DDX23: variants seen among roughly 807,000 people sequenced by gnomAD.
DDX23 encodes DEAD-box helicase 23, also known as probable ATP-dependent RNA helicase DDX23.
A neutral mutation model predicts 102.7 loss-of-function variants in DDX23; 33 were observed. The observed-to-expected ratio is 0.32, with a 90% confidence interval of 0.24 to 0.43. The LOEUF (loss-of-function observed/expected upper bound fraction) is 0.43, where lower values mean the gene tolerates loss of function less well. DDX23 is among the 20% of genes least tolerant of loss of function. The pLI is 1.00. For synonymous variants in DDX23, 352 were observed against 376.0 expected (o/e 0.94, Z 0.74); for missense variants, 549 against 1,086.6 (o/e 0.51, Z 6.96).
chr12:48,843,067 G>C (rs1348437762), intron 3 of DDX23, among the ~76,000 whole-genome samples: 2 of 150,372 alleles, frequency 1.3e-5, no homozygotes, highest in African/African-American at 4.9e-5. Flanking sequence ...GGTGGTGCAA[G>C]ATGTGCTTTG....
chr12:48,835,392 G>A (rs1394216567), intron 11 of DDX23, among the ~76,000 whole-genome samples: 1 of 152,028 alleles, frequency 6.6e-6, no homozygotes, highest in African/African-American at 2.4e-5. Context: ...GGCCAACATG[G>A]TGAAACCTCA....
At chr12:48,842,259 CCGGGAGGGAG>C (rs1251069711) in intron 3 of DDX23, among the ~76,000 whole-genome samples, 1 of 142,896 alleles carries the variant, frequency 7.0e-6, no homozygotes, top group Admixed American at 7.0e-5. Flanking sequence ...AGCCGCCCAT[CCGGGAGGGAG>C]GTGGGGGGGT....
intron 12 of DDX23, 113 bp from the exon 13 acceptor site, chr12:48,833,632 C>T (rs1938422918): frequency 3.7e-6 from 5 of 1,347,160 alleles, no homozygotes; most frequent in Non-Finnish European, 5.1e-6. Context: ...ACTTGGACCC[C>T]AACCTCTGGT....
At position 48,830,134 on chromosome 12, in the gene DDX23, C is replaced by A; in HGVS notation, c.*335G>T. 1 of 488,418 alleles carries A rather than the reference C, an allele frequency of 2.0e-6. No individual in the cohort carries two copies. 30.3% of individuals were successfully genotyped at this position (488,418 alleles called of 1,614,324 possible). On this transcript the variant is annotated 3_prime_UTR_variant, in exon 17 of 17. Transcript: ENST00000308025. This position sits in a 1 kb window ranked among gnomAD's most constrained non-coding sequence, Gnocchi z 4.9. The stretch of plus-strand genomic sequence containing the variant: ...TGCCAAAGGAGGTCCCATCCGGCGG[C>A]CAGGTTTCTGTTCAGTCTGGGGAGC...
At chr12:48,849,608 G>A (rs548704609) in intron 1 of DDX23, among the ~76,000 whole-genome samples, 3 of 151,150 alleles carry the variant, frequency 2.0e-5, no homozygotes, top group Non-Finnish European at 4.4e-5. Context: ...GTTGTGAGCC[G>A]AGATAGTGCC....
In DDX23 at chr12:48,832,280, T is replaced by C. The variant is rs2137480687; in HGVS notation, c.1956-94A>G. Reference sequence around the variant, plus strand: ...CTATGAACACTACTTTCAGGGTCTTTAATGCCCATGACATTCTGCCCAAGA... The same window carrying C: ...CTATGAACACTACTTTCAGGGTCTTCAATGCCCATGACATTCTGCCCAAGA... On this transcript the variant is annotated intron_variant, in intron 14 of 16. Coordinates refer to ENST00000308025, the MANE Select transcript of DDX23 (RefSeq NM_004818.3). This position sits in a 1 kb window ranked among gnomAD's most constrained non-coding sequence, Gnocchi z 4.4. 6.4e-7 allele frequency: 1 copy of C among 1,554,876 alleles called. No homozygotes were observed. Among genetic ancestry groups the C allele is most frequent in the Non-Finnish European group, 8.8e-7 (1 of 1,133,260 alleles).
intron 1 of DDX23, among the ~76,000 whole-genome samples, chr12:48,850,392 A>G (rs1208389400): frequency 6.6e-6 from 1 of 152,238 alleles, no homozygotes; most frequent in African/African-American, 2.4e-5. Flanking sequence ...AGAGGAAATC[A>G]AACGTTTCAT....
rs1938474516 is a variant in DDX23, at chr12:48,836,952, G to A, written c.952C>T (p.Arg318Cys). Residue 318 changes from arginine to cysteine, a missense_variant, in exon 9 of 17, where the codon CGT becomes TGT. Arg to Cys is a radical substitution (Grantham distance 180, BLOSUM62 -3). Coordinates refer to ENST00000308025, the MANE Select transcript of DDX23 (RefSeq NM_004818.3). The surrounding 1 kb of genome is among the most constrained non-coding windows in gnomAD (Gnocchi z 6.1). ...TTCTCCATTAGGTCTCCATAGAAACGTGACTGCTCTCGCTTCTGCTGCTTG... is the reference window on the plus strand; with the variant it reads ...TTCTCCATTAGGTCTCCATAGAAACATGACTGCTCTCGCTTCTGCTGCTTG... Reference protein sequence around the residue: ...DLKQQKREQSRFYGDLMEKRR... With the variant: ...DLKQQKREQSCFYGDLMEKRR... 4 of 1,613,790 alleles carry A rather than the reference G, an allele frequency of 2.5e-6. No homozygotes were observed. Among genetic ancestry groups the A allele is most frequent in the Admixed American group, 3.3e-5 (2 of 59,988 alleles).
intron 3 of DDX23, among the ~76,000 whole-genome samples, chr12:48,842,887 C>G (rs975849597): frequency 6.6e-6 from 1 of 151,796 alleles, no homozygotes; most frequent in Non-Finnish European, 1.5e-5. Flanking sequence ...ATTGAGAAAT[C>G]GGATGGTTGC....
intron 2 of DDX23, among the ~76,000 whole-genome samples, chr12:48,844,542 G>A (rs1190717260): frequency 6.6e-6 from 1 of 151,960 alleles, no homozygotes; most frequent in African/African-American, 2.4e-5. Context: ...GCCTCCCAAA[G>A]TGCTGGGATT....
chr12:48,831,061 G>T, intron 16 of DDX23, 81 bp downstream of exon 16: 1 of 1,525,482 alleles, frequency 6.6e-7, no homozygotes, highest in Non-Finnish European at 9.0e-7. Flanking sequence ...AGCCTTCCAT[G>T]GACAGCACCC....
In DDX23 at chr12:48,836,336, G is replaced by A; in HGVS notation, c.1237-70C>T. On this transcript the variant is annotated intron_variant, in intron 10 of 16. Transcript: ENST00000308025. The surrounding 1 kb of genome is among the most constrained non-coding windows in gnomAD (Gnocchi z 6.1). Reference sequence around the variant, plus strand: ...ACCACCTGGGCAACCACTGATAGTAGTAAGCACATCTGCTAGCACAATGGA... The same window carrying A: ...ACCACCTGGGCAACCACTGATAGTAATAAGCACATCTGCTAGCACAATGGA... 1 of 1,548,116 alleles carries A rather than the reference G, an allele frequency of 6.5e-7. No individual in the cohort carries two copies. Among genetic ancestry groups the A allele is most frequent in the Non-Finnish European group, 8.9e-7 (1 of 1,123,402 alleles).
At chr12:48,844,083 T>TG (rs1222898027) in intron 2 of DDX23, 33 bp from the exon 3 acceptor site, 1 of 1,606,732 alleles carries the variant, frequency 6.2e-7, no homozygotes, top group Non-Finnish European at 8.5e-7. Flanking sequence ...GTTCACTTGG[T>TG]ATTTCCAAAG....
chr12:48,842,223 TG>T lies in DDX23; in HGVS notation c.320+1716del, dbSNP rs1247878446. 5.6e-5 allele frequency among the ~76,000 whole-genome samples: 7 copies of T among 125,768 alleles called. No homozygotes were observed. In the East Asian group the frequency reaches 1.6e-3, roughly 28 times the overall value. The allele number at this position is 125,768 out of a possible 152,430, so 82.5% of individuals were successfully genotyped here. A position where few individuals can be genotyped will look rare whatever the true frequency, so the allele number is the denominator to read the frequency against. ...CCAGCCGCCCCGTCCAGGAGGGAGG[TG>T]GGGGGGTCATCCCCCCACCCGGCCA... On this transcript the variant is annotated intron_variant, in intron 3 of 16. Coordinates refer to ENST00000308025, the MANE Select transcript of DDX23 (RefSeq NM_004818.3).
Position 48,834,514 on chromosome 12 carries a change from G to A in DDX23, c.1383-17C>T. ...TCTTCGATCCTGTGGTAAACAGGGTGCCCCACAGCTTCGTGAGCTTTGGTT... is the reference window on the plus strand; with the variant it reads ...TCTTCGATCCTGTGGTAAACAGGGTACCCCACAGCTTCGTGAGCTTTGGTT... On this transcript the variant is annotated splice_polypyrimidine_tract_variant and intron_variant, in intron 11 of 16. Coordinates refer to ENST00000308025, the MANE Select transcript of DDX23 (RefSeq NM_004818.3). 6.2e-6 allele frequency: 10 copies of A among 1,607,918 alleles called. No individual in the cohort carries two copies. The highest frequency in any genetic ancestry group is 2.7e-5 in the African/African-American group (2 of 74,764).
chr12:48,840,638 C>T (rs1403369280), intron 3 of DDX23, among the ~76,000 whole-genome samples: 6 of 151,802 alleles, frequency 4.0e-5, no homozygotes, highest in Admixed American at 1.3e-4. Context: ...CTGCAACCTC[C>T]GCCTCCTGGG....
chr12:48,837,897 T>A, intron 6 of DDX23, 45 bp downstream of exon 6: 1 of 1,611,076 alleles, frequency 6.2e-7, no homozygotes, highest in Non-Finnish European at 8.5e-7. Context: ...CTCATCCCAC[T>A]CTTTCCTCTT....
In DDX23 at chr12:48,830,028, T is replaced by C. The variant is rs1452341166; in HGVS notation, c.*441A>G. The C allele has an allele frequency of 2.7e-6, 1 of 365,592 alleles. No homozygotes were observed. Among genetic ancestry groups the C allele is most frequent in the East Asian group, 7.3e-5 (1 of 13,768 alleles). 22.6% of individuals were successfully genotyped at this position (365,592 alleles called of 1,614,324 possible). A position where few individuals can be genotyped will look rare whatever the true frequency, so the allele number is the denominator to read the frequency against. On this transcript the variant is annotated 3_prime_UTR_variant, in exon 17 of 17. Coordinates refer to ENST00000308025, the MANE Select transcript of DDX23 (RefSeq NM_004818.3). The surrounding 1 kb of genome is among the most constrained non-coding windows in gnomAD (Gnocchi z 4.9). ...GATGACAGTAAGATTCCACTGTCTG[T>C]AATCCTCATGGTGCCAGGTCTCCTG...
intron 3 of DDX23, among the ~76,000 whole-genome samples, chr12:48,842,405 G>A (rs1402827093): frequency 4.3e-5 from 6 of 140,406 alleles, no homozygotes; most frequent in Admixed American, 3.5e-4. Flanking sequence ...AGGTGGGGGA[G>A]GTCAGCCCCC....
Sources: allele counts gnomAD v4.1 joint callset (sites outside exome capture counted in the v4.1 genomes callset), GRCh38; gene constraint gnomAD v4.1.1; non-coding constraint Gnocchi (gnomAD v3.1); transcripts MANE v1.5; gene names NCBI Gene and HGNC (gene_info 2026-07-23, HGNC 2026-07-21).